The following USP9X variants were observed in gnomAD, a reference collection of about 807,000 sequenced individuals.
USP9X encodes the protein ubiquitin carboxyl-terminal hydrolase 9X.
USP9X carries 7 observed loss-of-function variants against 190.3 expected under a neutral mutation model. The observed-to-expected ratio is 0.04, with a 90% CI of 0.02 to 0.07. The LOEUF is 0.07. USP9X is among the 10% of genes least tolerant of loss of function. The pLI is 1.00. For synonymous variants in USP9X, 645 were observed against 659.5 expected (o/e 0.98, Z 0.34); for missense variants, 1,010 against 1,916.9 (o/e 0.53, Z 8.83).
intron 3 of USP9X, 26 bp downstream of exon 3, chrX:41,129,171 AAG>A: frequency 8.4e-7 from 1 of 1,194,475 alleles, no homozygotes; most frequent in Non-Finnish European, 1.1e-6. Flanking sequence ...ACACCCAAGA[AAG>A]AGAGCAGACA....
At chrX:41,091,506 G>A (rs1208357465) in intron 1 of USP9X, among the ~76,000 whole-genome samples, 4 of 112,176 alleles carry the variant, frequency 3.6e-5, no homozygotes, top group African/African-American at 1.3e-4. Flanking sequence ...AAGGTTAGTG[G>A]CTTTCATTCT....
In USP9X at chrX:41,197,352, C is replaced by CCCCCCA; in HGVS notation, c.4234-12_4234-11insCCCCCA. 3 of 988,195 alleles carry CCCCCCA rather than the reference C, an allele frequency of 3.0e-6. No homozygotes were observed. Among genetic ancestry groups the CCCCCCA allele is most frequent in the Non-Finnish European group, 2.6e-6 (2 of 759,364 alleles). 81.4% of individuals were successfully genotyped at this position (988,195 alleles called of 1,213,427 possible). A position where few individuals can be genotyped will look rare whatever the true frequency, so the allele number is the denominator to read the frequency against. ...TTCTTCCCCCCCCCACCCCACCCCC[C>CCCCCCA]GCCTTTGGCAGGATGATGTTAAAAG... On this transcript the variant is annotated splice_polypyrimidine_tract_variant and intron_variant, in intron 28 of 44. Transcript: ENST00000378308.
chrX:41,207,655 GTTTGT>G (rs1316977187), intron 32 of USP9X, among the ~76,000 whole-genome samples: 2 of 111,380 alleles, frequency 1.8e-5, no homozygotes, highest in Non-Finnish European at 1.9e-5. Flanking sequence ...GTGAGGTTTG[GTTTGT>G]TTTGTTTTGT....
At chrX:41,148,990 C>G (rs1244813795) in intron 12 of USP9X, among the ~76,000 whole-genome samples, 1 of 112,026 alleles carries the variant, frequency 8.9e-6, no homozygotes, top group African/African-American at 3.2e-5. Flanking sequence ...GTGAGCAAAT[C>G]ACACAGTTTC....
chrX:41,123,550 C>A lies in USP9X; in HGVS notation c.-79C>A. The A allele has an allele frequency of 1.2e-6, 1 of 849,966 alleles. No homozygotes were observed. Among genetic ancestry groups the A allele is most frequent in the Non-Finnish European group, 1.7e-6 (1 of 581,563 alleles). The allele number at this position is 849,966 out of a possible 1,213,427, so 70.0% of individuals were successfully genotyped here. ...CTGACAAATGCTGGTACTTCATCTTCTATAAGTGGACTATAATTTCTTTTC... is the reference window on the plus strand; with the variant it reads ...CTGACAAATGCTGGTACTTCATCTTATATAAGTGGACTATAATTTCTTTTC... On this transcript the variant is annotated 5_prime_UTR_variant, in exon 2 of 45. Coordinates refer to ENST00000378308, the MANE Select transcript of USP9X (RefSeq NM_001039591.3).
At chrX:41,196,167 C>G in intron 26 of USP9X, 84 bp from the exon 27 acceptor site, 5 of 1,081,360 alleles carry the variant, frequency 4.6e-6, no homozygotes, top group Non-Finnish European at 5.1e-6. Context: ...CTCCCCCCAC[C>G]TCTCCTCCCC....
chrX:41,093,408 G>A (rs976926939), intron 1 of USP9X, among the ~76,000 whole-genome samples: 3 of 112,212 alleles, frequency 2.7e-5, no homozygotes, highest in African/African-American at 9.7e-5. Context: ...TAAATGGCGC[G>A]ATCTCGGCTC....
chrX:41,214,052 CCTT>C (rs1299021714), intron 33 of USP9X, among the ~76,000 whole-genome samples: 1 of 112,288 alleles, frequency 8.9e-6, no homozygotes, highest in African/African-American at 3.2e-5. Flanking sequence ...GATTCTAGCT[CCTT>C]CTCAGGTTGC....
rs979092582 is a variant in USP9X at position 41,085,869 on chromosome X, AAGG to A, written c.-386_-384del. 5.4e-5 allele frequency: 16 copies of A among 296,813 alleles called. No individual in the cohort carries two copies. Among genetic ancestry groups the A allele is most frequent in the Non-Finnish European group, 7.0e-5 (12 of 170,383 alleles). 24.5% of individuals were successfully genotyped at this position (296,813 alleles called of 1,213,427 possible). Reference sequence around the variant, plus strand: ...AAGGGGAAGAGGGCCGTCGCCGGCCAAGGAGGAGGAGGAGGCGGGCGCGGCGAG... The same window carrying A: ...AAGGGGAAGAGGGCCGTCGCCGGCCAAGGAGGAGGAGGCGGGCGCGGCGAG... On this transcript the variant is annotated 5_prime_UTR_variant, in exon 1 of 45. Coordinates refer to ENST00000378308, the MANE Select transcript of USP9X (RefSeq NM_001039591.3).
intron 21 of USP9X, among the ~76,000 whole-genome samples, chrX:41,180,304 T>TA (rs1287058951): frequency 8.9e-6 from 1 of 112,673 alleles, no homozygotes; most frequent in Admixed American, 9.4e-5. Context: ...TGCAGTGCTT[T>TA]ACTGCAGATT....
In USP9X at chrX:41,233,009, G is replaced by A. The variant is rs2063375234; in HGVS notation, c.*485G>A. ...ACCAATAGTTTCATGTTAATTCTTT[G>A]CCACTGGAGTCAATTTTGCTATGAG... is the stretch of plus-strand genomic sequence containing the variant. On this transcript the variant is annotated 3_prime_UTR_variant, in exon 45 of 45. Transcript: ENST00000378308. The A allele has an allele frequency of 8.9e-6, 1 of 112,251 alleles. No individual in the cohort carries two copies. The highest frequency in any genetic ancestry group is 3.6e-4 in the South Asian group (1 of 2,761). The allele number at this position is 112,251 out of a possible 1,213,427, so 9.3% of individuals were successfully genotyped here. A position where few individuals can be genotyped will look rare whatever the true frequency, so the allele number is the denominator to read the frequency against.
At chrX:41,115,291 A>G (rs774869944) in intron 1 of USP9X, among the ~76,000 whole-genome samples, 43 of 110,678 alleles carry the variant, frequency 3.9e-4, no homozygotes, top group Admixed American at 1.3e-3. Flanking sequence ...GGTGAAGGCT[A>G]AGTATAGCTT....
In USP9X at chrX:41,218,559, T is replaced by C; in HGVS notation, c.6397T>C (p.Cys2133Arg). The C allele has an allele frequency of 8.3e-7, 1 of 1,211,925 alleles. No homozygotes were observed. The highest frequency in any genetic ancestry group is 1.1e-6 in the Non-Finnish European group (1 of 895,522). The part of the protein sequence containing the change: ...IAHFSLQDGP[C>R]PSPFASPGPS... The stretch of plus-strand genomic sequence containing the variant: ...ACATTTTTCCTTGCAAGATGGGCCA[T>C]GTCCTTCACCTTTTGCCTCTCCTGG... Residue 2133 changes from cysteine (C) to arginine (R), a missense_variant, in exon 37 of 45, where the codon TGT becomes CGT. By Grantham distance (180) the Cys-to-Arg change is radical. Coordinates refer to ENST00000378308, the MANE Select transcript of USP9X (RefSeq NM_001039591.3).
intron 14 of USP9X, among the ~76,000 whole-genome samples, chrX:41,160,177 TC>T (rs749118237): frequency 5.4e-5 from 6 of 110,382 alleles, no homozygotes; most frequent in African/African-American, 9.9e-5. Flanking sequence ...ATCTAATTCT[TC>T]CTGCTGTTTT....
chrX:41,188,579 T>C (rs1436276289), intron 25 of USP9X, among the ~76,000 whole-genome samples: 1 of 111,926 alleles, frequency 8.9e-6, no homozygotes, highest in Non-Finnish European at 1.9e-5. Flanking sequence ...AGAGAAGCTG[T>C]GGTTGGCTTT....
chrX:41,204,652 G>T (rs999193737), intron 31 of USP9X, among the ~76,000 whole-genome samples: 2 of 111,370 alleles, frequency 1.8e-5, no homozygotes, highest in Non-Finnish European at 3.8e-5. Context: ...TTATAATGTC[G>T]TATTTTTACT....
chrX:41,207,284 C>T (rs913977699), intron 32 of USP9X, among the ~76,000 whole-genome samples: 18 of 108,703 alleles, frequency 1.7e-4, no homozygotes, highest in Non-Finnish European at 2.3e-4. Context: ...AGGGTTTCGC[C>T]GTGTTGGCCA....
At chrX:41,142,554 A>G (rs1397657494) in intron 9 of USP9X, among the ~76,000 whole-genome samples, 1 of 112,098 alleles carries the variant, frequency 8.9e-6, no homozygotes, top group African/African-American at 3.2e-5. Context: ...AAACTGGCTC[A>G]TTATCAGCTG....
At chrX:41,207,079 CTTTTTTTTTTT>C (rs34779889) in intron 32 of USP9X, among the ~76,000 whole-genome samples, 3 of 30,484 alleles carry the variant, frequency 9.8e-5, no homozygotes, top group African/African-American at 1.6e-4. Flanking sequence ...GCTCCCTGGC[CTTTTTTTTTTT>C]TTTTTTTTTT....
Sources: allele counts gnomAD v4.1 joint callset (sites outside exome capture counted in the v4.1 genomes callset), GRCh38; gene constraint gnomAD v4.1.1; transcripts MANE v1.5; gene names NCBI Gene and HGNC (gene_info 2026-07-23, HGNC 2026-07-21).